TACR3: variants seen among roughly 807,000 people sequenced by gnomAD.
TACR3 encodes the protein neuromedin-K receptor.
TACR3 carries 34 observed loss-of-function variants against 35.0 expected under a neutral mutation model. The ratio of observed to expected loss-of-function variants is 0.97; its 90% CI spans 0.74 to 1.30. The LOEUF is 1.30. Ranked by LOEUF, TACR3 falls within the 50% of genes most tolerant of loss-of-function variation. The pLI is 0.00. For synonymous variants in TACR3, 233 were observed against 221.1 expected (o/e 1.05, Z -0.48); for missense variants, 558 against 591.7 (o/e 0.94, Z 0.59).
At chr4:103,638,497 A>T (rs1438083743) in intron 3 of TACR3, among the ~76,000 whole-genome samples, 1 of 151,886 alleles carries the variant, frequency 6.6e-6, no homozygotes, top group African/African-American at 2.4e-5. Context: ...CTAGAAGAAA[A>T]CCTAGGCGAT....
intron 1 of TACR3, among the ~76,000 whole-genome samples, chr4:103,660,346 G>A (rs1725814922): frequency 6.6e-6 from 1 of 152,016 alleles, no homozygotes; most frequent in Non-Finnish European, 1.5e-5. Flanking sequence ...GTATCTAAAA[G>A]AGTGAAACTT....
chr4:103,703,876 G>A (rs1424635365), intron 1 of TACR3, among the ~76,000 whole-genome samples: 28 of 151,832 alleles, frequency 1.8e-4, no homozygotes, highest in African/African-American at 2.4e-4. Flanking sequence ...TGAGGTGGGC[G>A]GATCACGAGG....
intron 3 of TACR3, among the ~76,000 whole-genome samples, chr4:103,604,396 G>A (rs1400865119): frequency 1.3e-5 from 2 of 152,072 alleles, no homozygotes; most frequent in East Asian, 1.9e-4. Flanking sequence ...AATTCAAGAT[G>A]GATTAAAGAA....
intron 3 of TACR3, among the ~76,000 whole-genome samples, chr4:103,655,431 G>T (rs1032198912): frequency 5.9e-5 from 9 of 151,938 alleles, no homozygotes; most frequent in African/African-American, 1.7e-4. Flanking sequence ...AGATGCATTA[G>T]GTACACCCCA....
chr4:103,604,578 A>G (rs1724301691), intron 3 of TACR3, among the ~76,000 whole-genome samples: 1 of 152,208 alleles, frequency 6.6e-6, no homozygotes, highest in African/African-American at 2.4e-5. Flanking sequence ...GCACAGCAAA[A>G]GAAACTACCA....
intron 3 of TACR3, among the ~76,000 whole-genome samples, chr4:103,602,380 C>T (rs1217001916): frequency 1.3e-5 from 2 of 152,190 alleles, no homozygotes; most frequent in African/African-American, 4.8e-5. Context: ...CTTCTTCTCT[C>T]AACTCCTCTA....
In TACR3 at chr4:103,639,560, G is replaced by A. The variant is rs188851874; in HGVS notation, c.888+16634C>T. Among the ~76,000 whole-genome samples, 145 of 152,016 alleles carry A rather than the reference G, an allele frequency of 9.5e-4. 1 individual carries two copies. Among genetic ancestry groups the A allele is most frequent in the African/African-American group, 3.4e-3 (139 of 41,466 alleles). On this transcript the variant is annotated intron_variant, in intron 3 of 4. Coordinates refer to ENST00000304883, the MANE Select transcript of TACR3 (RefSeq NM_001059.3). ...TACATATGTAACAAACCTGCACGTT[G>A]TGCACATGTACCCTAAAACTTAAAG...
intron 3 of TACR3, among the ~76,000 whole-genome samples, chr4:103,602,746 G>T (rs992264996): frequency 6.6e-6 from 1 of 152,156 alleles, no homozygotes; most frequent in African/African-American, 2.4e-5. Flanking sequence ...TCGTTCCTGT[G>T]GAAGTTTTGT....
At chr4:103,601,976 A>C (rs1370488972) in intron 3 of TACR3, among the ~76,000 whole-genome samples, 1 of 152,182 alleles carries the variant, frequency 6.6e-6, no homozygotes, top group African/African-American at 2.4e-5. Context: ...TATCCTGCAG[A>C]GTGTTTTCCA....
At chr4:103,598,832 T>C (rs1040765808) in intron 3 of TACR3, among the ~76,000 whole-genome samples, 1 of 152,230 alleles carries the variant, frequency 6.6e-6, no homozygotes, top group African/African-American at 2.4e-5. Flanking sequence ...TGTGCACCAG[T>C]ACCATGCTGT....
chr4:103,698,066 T>C (rs963355120), intron 1 of TACR3, among the ~76,000 whole-genome samples: 6 of 152,174 alleles, frequency 3.9e-5, no homozygotes, highest in Non-Finnish European at 8.8e-5. Flanking sequence ...GTCTTCAATA[T>C]GAAACTAGAT....
chr4:103,633,458 T>A (rs1725112180), intron 3 of TACR3, among the ~76,000 whole-genome samples: 1 of 152,076 alleles, frequency 6.6e-6, no homozygotes, highest in Non-Finnish European at 1.5e-5. Context: ...AGGTGGTATT[T>A]GGTTACATAA....
intron 1 of TACR3, among the ~76,000 whole-genome samples, chr4:103,686,008 C>A (rs7676408): frequency 0.013 from 1,969 of 152,206 alleles, 18 homozygotes; most frequent in South Asian, 0.022. Context: ...TAATAGAGAT[C>A]TCATCTCAGT....
chr4:103,617,147 T>G (rs903120751), intron 3 of TACR3, among the ~76,000 whole-genome samples: 6 of 152,266 alleles, frequency 3.9e-5, no homozygotes, highest in Admixed American at 3.9e-4. Flanking sequence ...TAGAAAAATG[T>G]AATCCATAGT....
chr4:103,617,844 CTT>C (rs1489935423), intron 3 of TACR3, among the ~76,000 whole-genome samples: 4 of 151,862 alleles, frequency 2.6e-5, no homozygotes, highest in African/African-American at 7.3e-5. Context: ...TAAGTAATGA[CTT>C]AAATAGAGGA....
chr4:103,589,810 T>C lies in TACR3; in HGVS notation c.1270A>G (p.Ser424Gly). 1 of 1,614,012 alleles carries C rather than the reference T, an allele frequency of 6.2e-7. No homozygotes were observed. Among genetic ancestry groups the C allele is most frequent in the South Asian group, 1.1e-5 (1 of 91,080 alleles). ...CTTGGCGTTGCTCTTTTCTTCCGACTGGACCTGGTGGTGTCTGCATCGTTG... is the reference window on the plus strand; with the variant it reads ...CTTGGCGTTGCTCTTTTCTTCCGACCGGACCTGGTGGTGTCTGCATCGTTG... ...DPNDADTTRS[S>G]RKKRATPRDP... Residue 424 changes from serine (S) to glycine (G), a missense_variant, in exon 5 of 5, where the codon AGT (serine) becomes GGT (glycine). Ser to Gly is a moderately conservative substitution (Grantham distance 56). Transcript: ENST00000304883.
intron 3 of TACR3, among the ~76,000 whole-genome samples, chr4:103,636,302 A>AAAAC: frequency 6.6e-6 from 1 of 152,122 alleles, no homozygotes; most frequent in East Asian, 1.9e-4. Flanking sequence ...TTAATCAATC[A>AAAAC]AAACACAGAT....
chr4:103,649,277 G>A (rs1340675650), intron 3 of TACR3, among the ~76,000 whole-genome samples: 1 of 152,046 alleles, frequency 6.6e-6, no homozygotes, highest in Non-Finnish European at 1.5e-5. Context: ...CTGCACAGAA[G>A]CTTTTTAACT....
In TACR3 at chr4:103,595,838, G is replaced by T. The variant is rs545334331; in HGVS notation, c.889-4155C>A. 1.8e-4 allele frequency among the ~76,000 whole-genome samples: 27 copies of T among 150,520 alleles called. No homozygotes were observed. In the East Asian group the frequency reaches 5.1e-3, roughly 29 times the overall value. On this transcript the variant is annotated intron_variant, in intron 3 of 4. Coordinates refer to ENST00000304883, the MANE Select transcript of TACR3 (RefSeq NM_001059.3). ...ATATGTATACATGTGCCATGCTGGTGTGCTGCACCCACTAACTCATCATCT... is the reference window on the plus strand; with the variant it reads ...ATATGTATACATGTGCCATGCTGGTTTGCTGCACCCACTAACTCATCATCT...
Sources: gnomAD v4.1 joint callset for allele counts (sites outside exome capture counted in the v4.1 genomes callset) on GRCh38, gnomAD v4.1.1 for gene constraint, MANE v1.5 for transcripts, NCBI Gene and HGNC (gene_info 2026-07-23, HGNC 2026-07-21) for gene names.